The following PCDHA10 variants were observed in gnomAD, a reference collection of about 807,000 sequenced individuals.
PCDHA10 encodes the protein protocadherin alpha 10, also known as protocadherin alpha-10.
Under a neutral mutation model 61.2 loss-of-function variants are expected in PCDHA10, and 45 were observed. The ratio of observed to expected loss-of-function variants is 0.74; its 90% CI spans 0.58 to 0.94. The LOEUF is 0.94. Ranked by LOEUF, PCDHA10 falls within the 40% of genes least tolerant of loss-of-function variation. PCDHA10 has a pLI of 0.00. For synonymous variants in PCDHA10, 602 were observed against 548.8 expected, an observed-to-expected ratio of 1.10 and a Z score of -1.35; for missense variants, 1,278 against 1,236.2, an observed-to-expected ratio of 1.03 and a Z score of -0.51.
chr5:140,914,510 A>G (rs900880100), intron 1 of PCDHA10, among the ~76,000 whole-genome samples: 1 of 152,100 alleles, frequency 6.6e-6, no homozygotes, highest in Non-Finnish European at 1.5e-5. Context: ...TCATTGGGTC[A>G]TGTTTTTTCA....
At chr5:140,912,797 G>C (rs2076071117) in intron 1 of PCDHA10, among the ~76,000 whole-genome samples, 1 of 152,128 alleles carries the variant, frequency 6.6e-6, no homozygotes, top group South Asian at 2.1e-4. Flanking sequence ...CAATTTTCTT[G>C]AGGGTTTTTA....
chr5:140,996,372 G>A (rs898606404), intron 3 of PCDHA10, among the ~76,000 whole-genome samples: 1 of 152,180 alleles, frequency 6.6e-6, no homozygotes, highest in Non-Finnish European at 1.5e-5. Context: ...TTTTGTTGTC[G>A]GCTGAAATAA....
At chr5:140,877,828 C>T (rs781916987) in intron 1 of PCDHA10, 19 of 1,599,838 alleles carry the variant, frequency 1.2e-5, no homozygotes, top group Non-Finnish European at 1.5e-5. Flanking sequence ...TTGTTTAAAT[C>T]CTCCCAGTGA....
intron 1 of PCDHA10, chr5:140,869,802 G>T: frequency 6.2e-7 from 1 of 1,612,556 alleles, no homozygotes; most frequent in South Asian, 1.1e-5. Flanking sequence ...TCCAAGTCTT[G>T]GATGTCAACG....
chr5:140,863,279 T>C, intron 1 of PCDHA10: 1 of 1,461,288 alleles, frequency 6.8e-7, no homozygotes, highest in East Asian at 3.4e-5. Context: ...CTGGTGGATG[T>C]CAACGTGTAC....
chr5:140,998,664 A>C (rs1204598567), intron 3 of PCDHA10, among the ~76,000 whole-genome samples: 1 of 151,936 alleles, frequency 6.6e-6, no homozygotes, highest in Non-Finnish European at 1.5e-5. Flanking sequence ...TCCTGGGTTC[A>C]AGTGATTCTC....
At chr5:140,962,455 A>G (rs571453201) in intron 1 of PCDHA10, among the ~76,000 whole-genome samples, 4 of 152,246 alleles carry the variant, frequency 2.6e-5, no homozygotes, top group Non-Finnish European at 4.4e-5. Flanking sequence ...TGAATCTCTT[A>G]TGGCTTGAAT....
In PCDHA10 at chr5:140,856,371, T is replaced by G; in HGVS notation, c.323T>G (p.Ile108Ser). Residue 108 changes from isoleucine to serine, a missense_variant, in exon 1 of 4, where the codon ATC becomes AGC. Ile to Ser is a moderately radical substitution (Grantham distance 142). Transcript: ENST00000307360. ...GAGTGCAGCATCCACCTGGAGGTGATCGTGGACAGGCCGCTGCAGGTTTTC... is the reference window on the plus strand; with the variant it reads ...GAGTGCAGCATCCACCTGGAGGTGAGCGTGGACAGGCCGCTGCAGGTTTTC... ...SVECSIHLEVIVDRPLQVFHV... is the reference protein window; with the variant it reads ...SVECSIHLEVSVDRPLQVFHV... 6.3e-7 allele frequency: 1 copy of G among 1,598,432 alleles called. No homozygotes were observed. Among genetic ancestry groups the G allele is most frequent in the South Asian group, 1.1e-5 (1 of 90,512 alleles).
chr5:140,876,250 A>C (rs782111802), intron 1 of PCDHA10: 1 of 1,614,046 alleles, frequency 6.2e-7, no homozygotes. Context: ...AAACGACACA[A>C]GAGTGATCCA....
At chr5:140,882,860 A>G in intron 1 of PCDHA10, 1 of 1,614,218 alleles carries the variant, frequency 6.2e-7, no homozygotes, top group Non-Finnish European at 8.5e-7. Context: ...TGTACTGAGG[A>G]AAACACTGGA....
At chr5:140,988,424 G>C (rs1563549055) in intron 3 of PCDHA10, among the ~76,000 whole-genome samples, 1 of 152,158 alleles carries the variant, frequency 6.6e-6, no homozygotes, top group Non-Finnish European at 1.5e-5. Context: ...TAAAGAATTT[G>C]TTTGTTTTGG....
chr5:140,981,726 T>C (rs1554243283), intron 2 of PCDHA10, among the ~76,000 whole-genome samples: 1 of 151,710 alleles, frequency 6.6e-6, no homozygotes, highest in Non-Finnish European at 1.5e-5. Context: ...CCAACAAATA[T>C]TTGAGAGATT....
chr5:140,893,583 T>G (rs535910), intron 1 of PCDHA10, among the ~76,000 whole-genome samples: 7,078 of 152,294 alleles, frequency 0.046, 293 homozygotes, highest in African/African-American at 0.11. Context: ...TTTGCTTGTT[T>G]GGGAAATACT....
At chr5:140,861,430 A>G (rs370794784) in intron 1 of PCDHA10, 18 of 488,226 alleles carry the variant, frequency 3.7e-5, no homozygotes, top group African/African-American at 3.5e-4. Context: ...TTTCAGTTGG[A>G]TTCCAAAAGC....
intron 3 of PCDHA10, among the ~76,000 whole-genome samples, chr5:140,995,186 A>T (rs2097669011): frequency 6.6e-6 from 1 of 152,132 alleles, no homozygotes; most frequent in Non-Finnish European, 1.5e-5. Flanking sequence ...ACCTATGATA[A>T]AGTTTAATTT....
rs1554169418 is a variant in PCDHA10 at position 140,877,179 on chromosome 5, G to C, written c.2388+18743G>C. 3 of 1,613,712 alleles carry C rather than the reference G, an allele frequency of 1.9e-6. No individual in the cohort carries two copies. The South Asian group carries it at 3.3e-5, about 18-fold the overall frequency. ...ACGCGCCGGCACTGCTGGCGACTCCGGCTGGCAGCGCAGGAGGCGCAGTTA... is the reference window on the plus strand; with the variant it reads ...ACGCGCCGGCACTGCTGGCGACTCCCGCTGGCAGCGCAGGAGGCGCAGTTA... On this transcript the variant is annotated intron_variant, in intron 1 of 3. Coordinates refer to ENST00000307360, the MANE Select transcript of PCDHA10 (RefSeq NM_018901.4).
intron 1 of PCDHA10, chr5:140,927,490 C>T: frequency 3.1e-6 from 5 of 1,614,132 alleles, no homozygotes; most frequent in Non-Finnish European, 4.2e-6. Context: ...CGCCACCCAC[C>T]TGCTGGTGCT....
At chr5:140,879,813 T>C in intron 1 of PCDHA10, among the ~76,000 whole-genome samples, 1 of 152,346 alleles carries the variant, frequency 6.6e-6, no homozygotes, top group African/African-American at 2.4e-5. Flanking sequence ...CTATTGGCTG[T>C]TGGTGTTCCC....
intron 3 of PCDHA10, among the ~76,000 whole-genome samples, chr5:141,000,421 A>ATT (rs34755515): frequency 0.021 from 589 of 27,976 alleles, 60 homozygotes; most frequent in Middle Eastern, 0.062. Flanking sequence ...ATATATATAT[A>ATT]TTTTTTTTTT....
Sources: allele counts gnomAD v4.1 joint callset (sites outside exome capture counted in the v4.1 genomes callset), GRCh38; gene constraint gnomAD v4.1.1; transcripts MANE v1.5; gene names NCBI Gene and HGNC (gene_info 2026-07-23, HGNC 2026-07-21).